Variants in MTHFS observed in about 807,000 individuals in gnomAD.
MTHFS encodes the protein 5-formyltetrahydrofolate cyclo-ligase.
A neutral mutation model predicts 12.7 loss-of-function variants in MTHFS; 7 were observed. That is an observed-to-expected ratio of 0.55 (90% CI 0.31 to 1.03). The LOEUF (loss-of-function observed/expected upper bound fraction) is 1.03. Among genes scored for constraint, MTHFS ranks in the 50% least tolerant of loss-of-function variants. The pLI is 0.05. For missense variants in MTHFS, 252 were observed against 258.1 expected (o/e 0.98, Z 0.16); for synonymous variants, 100 against 97.1 (o/e 1.03, Z -0.18).
At chr15:79,845,642 T>C (rs2033600656) in intron 2 of MTHFS, among the ~76,000 whole-genome samples, 200 bp from the exon 3 acceptor site, 1 of 152,200 alleles carries the variant, frequency 6.6e-6, no homozygotes, top group African/African-American at 2.4e-5. Context: ...CTCTTATTCA[T>C]CCTCAACAGA....
At chr15:79,863,035 T>C (rs1332621711) in intron 2 of MTHFS, among the ~76,000 whole-genome samples, 1 of 152,180 alleles carries the variant, frequency 6.6e-6, no homozygotes, top group Non-Finnish European at 1.5e-5. Context: ...TCACTATGTG[T>C]CCCCCAACCC....
chr15:79,894,548 A>G (rs1477809722), intron 1 of MTHFS, among the ~76,000 whole-genome samples: 8 of 152,132 alleles, frequency 5.3e-5, no homozygotes, highest in Admixed American at 5.2e-4. Flanking sequence ...CTCAGTCGTC[A>G]TTCTATTGCT....
chr15:79,858,572 A>C lies in MTHFS; in HGVS notation c.380-13130T>G, dbSNP rs946429514. On this transcript the variant is annotated intron_variant, in intron 2 of 2. Transcript: ENST00000258874. ...ATGATCTTCAAATCCCTTCCAATTCAGATAATCCCCTATGTGCCAATTAAA... is the reference window on the plus strand; with the variant it reads ...ATGATCTTCAAATCCCTTCCAATTCCGATAATCCCCTATGTGCCAATTAAA... 7.9e-5 allele frequency among the ~76,000 whole-genome samples: 12 copies of C among 152,324 alleles called. No homozygotes were observed. In the East Asian group the frequency reaches 2.3e-3, roughly 29 times the overall value.
At chr15:79,845,561 AC>A in intron 2 of MTHFS, 119 bp from the exon 3 acceptor site, 1 of 1,343,114 alleles carries the variant, frequency 7.4e-7, no homozygotes, top group Non-Finnish European at 1.0e-6. Flanking sequence ...ACAATGTGTG[AC>A]CATTAATATC....
chr15:79,874,675 A>G (rs1371248748), intron 2 of MTHFS, among the ~76,000 whole-genome samples: 1 of 152,154 alleles, frequency 6.6e-6, no homozygotes, highest in Non-Finnish European at 1.5e-5. Context: ...TTAAAAGGAA[A>G]AACTGGGGAA....
At chr15:79,854,841 A>G (rs62027985) in intron 2 of MTHFS, among the ~76,000 whole-genome samples, 24,428 of 152,164 alleles carry the variant, frequency 0.16, 2,104 homozygotes, top group African/African-American at 0.2. Flanking sequence ...TATTTTCTTA[A>G]TCAACATCAT....
At chr15:79,848,994 A>T (rs192971483) in intron 2 of MTHFS, among the ~76,000 whole-genome samples, 119 of 152,344 alleles carry the variant, frequency 7.8e-4, no homozygotes, top group Non-Finnish European at 1.5e-3. Context: ...AGGCAAAAAA[A>T]TAAAATAAAA....
intron 2 of MTHFS, among the ~76,000 whole-genome samples, chr15:79,879,848 CTCTT>C (rs1309124228): frequency 6.6e-6 from 1 of 152,124 alleles, no homozygotes; most frequent in Non-Finnish European, 1.5e-5. Flanking sequence ...TCTTTCCTAG[CTCTT>C]TCTTGTTTTT....
chr15:79,849,131 C>T (rs894543676), intron 2 of MTHFS, among the ~76,000 whole-genome samples: 4 of 152,138 alleles, frequency 2.6e-5, no homozygotes, highest in African/African-American at 9.7e-5. Flanking sequence ...GGTGGAGGTC[C>T]TTACATCGTA....
intron 2 of MTHFS, among the ~76,000 whole-genome samples, chr15:79,873,659 C>T (rs980515160): frequency 2.0e-5 from 3 of 152,154 alleles, no homozygotes; most frequent in Non-Finnish European, 4.4e-5. Context: ...GTCTCTGGTC[C>T]TCTTACCTGG....
At chr15:79,890,762 C>T (rs968363728) in intron 1 of MTHFS, among the ~76,000 whole-genome samples, 1 of 151,976 alleles carries the variant, frequency 6.6e-6, no homozygotes, top group African/African-American at 2.4e-5. Flanking sequence ...CACATCAAAC[C>T]AGTCTAAGGA....
intron 2 of MTHFS, 64 bp downstream of exon 2, chr15:79,889,029 C>T: frequency 2.5e-6 from 4 of 1,582,966 alleles, no homozygotes; most frequent in Non-Finnish European, 3.4e-6. Context: ...CCACACATAA[C>T]CCGTGGATCT....
intron 2 of MTHFS, among the ~76,000 whole-genome samples, chr15:79,847,647 G>A (rs565179636): frequency 6.8e-6 from 1 of 147,538 alleles, no homozygotes; most frequent in South Asian, 2.2e-4. Flanking sequence ...TCCAGCCTGG[G>A]CGACAGAGTG....
chr15:79,878,111 T>C (rs2034232642), intron 2 of MTHFS: 1 of 152,130 alleles, frequency 6.6e-6, no homozygotes, highest in Non-Finnish European at 1.5e-5. Flanking sequence ...CACAAAAGAC[T>C]GGTTTTTTCT....
chr15:79,868,313 T>C (rs2141357218), intron 2 of MTHFS, among the ~76,000 whole-genome samples: 1 of 152,336 alleles, frequency 6.6e-6, no homozygotes, highest in South Asian at 2.1e-4. Flanking sequence ...AATTTCATGA[T>C]GTTGAGAATG....
chr15:79,889,078 C>A lies in MTHFS; in HGVS notation c.379+15G>T, dbSNP rs1175260095. On this transcript the variant is annotated intron_variant, in intron 2 of 2. Transcript: ENST00000258874. ...TGGTCATAATCTAACAACATCCTAA[C>A]ACCATAATACTCACCTGTGGACAAG... 3.7e-6 allele frequency: 6 copies of A among 1,612,682 alleles called. No individual in the cohort carries two copies. In the Admixed American group the frequency reaches 6.7e-5, roughly 18 times the overall value.
At chr15:79,875,146 A>C (rs764101646) in intron 2 of MTHFS, among the ~76,000 whole-genome samples, 2 of 152,150 alleles carry the variant, frequency 1.3e-5, no homozygotes, top group Non-Finnish European at 2.9e-5. Flanking sequence ...GACAGGTGTA[A>C]GAAATTATAA....
At chr15:79,882,464 G>A (rs952823434) in intron 2 of MTHFS, among the ~76,000 whole-genome samples, 1 of 152,100 alleles carries the variant, frequency 6.6e-6, no homozygotes, top group Non-Finnish European at 1.5e-5. Context: ...TACAGCACTC[G>A]GGCTCAGGAA....
chr15:79,889,441 T>A, intron 1 of MTHFS, 87 bp from the exon 2 acceptor site: 6 of 923,420 alleles, frequency 6.5e-6, no homozygotes, highest in Non-Finnish European at 7.7e-6. Context: ...CTCAGCCTTC[T>A]CCAATTTCTT....
Sources: gnomAD v4.1 joint callset for allele counts (sites outside exome capture counted in the v4.1 genomes callset) on GRCh38, gnomAD v4.1.1 for gene constraint, MANE v1.5 for transcripts, NCBI Gene and HGNC (gene_info 2026-07-23, HGNC 2026-07-21) for gene names.